Variants in TIAM2 observed in about 807,000 individuals in gnomAD.
The protein encoded by TIAM2 is rho guanine nucleotide exchange factor TIAM2.
TIAM2 carries 80 observed loss-of-function variants against 152.9 expected under a neutral mutation model. The ratio of observed to expected loss-of-function variants is 0.52; its 90% CI spans 0.44 to 0.63. The LOEUF is 0.63. Among genes scored for constraint, TIAM2 ranks in the 30% least tolerant of loss-of-function variants. TIAM2 has a pLI of 0.00. For missense variants in TIAM2, 1,965 were observed against 2,120.1 expected, an observed-to-expected ratio of 0.93 and a Z score of 1.44; for synonymous variants, 804 against 838.0, an observed-to-expected ratio of 0.96 and a Z score of 0.70.
chr6:155,178,853 G>C (rs1313520340), intron 10 of TIAM2, among the ~76,000 whole-genome samples, 186 bp from the exon 11 acceptor site: 1 of 152,166 alleles, frequency 6.6e-6, no homozygotes, highest in Non-Finnish European at 1.5e-5. Flanking sequence ...GGGATTACAG[G>C]TGTGAGCCGC....
intron 2 of TIAM2, among the ~76,000 whole-genome samples, chr6:155,104,756 C>A (rs867699973): frequency 3.3e-3 from 443 of 134,018 alleles, no homozygotes; most frequent in African/African-American, 3.4e-3. Flanking sequence ...GACTCTGTCT[C>A]AAAAAAAAAA....
chr6:155,245,851 C>G (rs1261270695), intron 19 of TIAM2, 120 bp downstream of exon 19: 7 of 583,926 alleles, frequency 1.2e-5, no homozygotes, highest in African/African-American at 2.0e-5. Flanking sequence ...TAAGGTCCAT[C>G]CTTGACCTTG....
At chr6:155,053,297 G>T (rs1423465586) in intron 1 of TIAM2, among the ~76,000 whole-genome samples, 2 of 152,076 alleles carry the variant, frequency 1.3e-5, no homozygotes, top group Non-Finnish European at 2.9e-5. Flanking sequence ...CTGGATAAGG[G>T]GGTACGTGGG....
At chr6:155,152,081 G>A (rs1052558951) in intron 7 of TIAM2, among the ~76,000 whole-genome samples, 1 of 152,026 alleles carries the variant, frequency 6.6e-6, no homozygotes, top group African/African-American at 2.4e-5. Flanking sequence ...GACCTTAGGT[G>A]ATCCGCTTGC....
At position 155,029,105 on chromosome 6, in the gene TIAM2, G is replaced by A. The variant is rs1363251492; in HGVS notation, c.-209+33613G>A. Among the ~76,000 whole-genome samples the A allele has an allele frequency of 6.3e-5, 7 of 111,256 alleles. 1 individual carries two copies. The highest frequency in any genetic ancestry group is 2.6e-4 in the African/African-American group (7 of 27,334). 73.0% of individuals were successfully genotyped at this position (111,256 alleles called of 152,430 possible). Reference sequence around the variant, plus strand: ...GTTATATATACACTGTATATACTATGTGTTATATATACACTGTATGTACTA... The same window carrying A: ...GTTATATATACACTGTATATACTATATGTTATATATACACTGTATGTACTA... On this transcript the variant is annotated intron_variant, in intron 1 of 26. Coordinates refer to ENST00000682666, the MANE Select transcript of TIAM2 (RefSeq NM_012454.4).
chr6:155,008,922 A>T (rs189791710), intron 1 of TIAM2, among the ~76,000 whole-genome samples: 1 of 152,046 alleles, frequency 6.6e-6, no homozygotes, highest in African/African-American at 2.4e-5. Flanking sequence ...CTTAGCATGT[A>T]CTGCCTTGGA....
intron 1 of TIAM2, among the ~76,000 whole-genome samples, chr6:155,026,660 C>T: frequency 6.6e-6 from 1 of 152,214 alleles, no homozygotes; most frequent in East Asian, 1.9e-4. Flanking sequence ...GCCCCTTGGC[C>T]CTGGTGCCAG....
intron 13 of TIAM2, 44 bp downstream of exon 13, chr6:155,182,362 CTG>C (rs1475091130): frequency 4.0e-6 from 6 of 1,482,344 alleles, no homozygotes; most frequent in Non-Finnish European, 4.7e-6. Flanking sequence ...TAATTTGAAA[CTG>C]TGGGATACAG....
intron 2 of TIAM2, among the ~76,000 whole-genome samples, chr6:155,094,456 G>C (rs1778367813): frequency 6.6e-6 from 1 of 151,844 alleles, no homozygotes; most frequent in South Asian, 2.1e-4. Context: ...TTGGATGTAT[G>C]CCGAAGTATA....
At chr6:155,138,875 A>G (rs140937981) in intron 5 of TIAM2, among the ~76,000 whole-genome samples, 102 of 152,292 alleles carry the variant, frequency 6.7e-4, no homozygotes, top group African/African-American at 2.2e-3. Flanking sequence ...CATAAAGGCA[A>G]TAGAAGTGAG....
chr6:155,192,236 C>G (rs1781223826), intron 14 of TIAM2, among the ~76,000 whole-genome samples: 1 of 152,108 alleles, frequency 6.6e-6, no homozygotes, highest in South Asian at 2.1e-4. Flanking sequence ...CCTTAATCTT[C>G]TGATTTTCAG....
At chr6:155,030,568 G>T (rs1227643034) in intron 1 of TIAM2, among the ~76,000 whole-genome samples, 2 of 152,140 alleles carry the variant, frequency 1.3e-5, no homozygotes, top group Admixed American at 1.3e-4. Flanking sequence ...TGCTCAAGGG[G>T]TGTCTGCTCA....
intron 14 of TIAM2, among the ~76,000 whole-genome samples, chr6:155,207,676 T>C (rs897684422): frequency 6.6e-6 from 1 of 152,160 alleles, no homozygotes; most frequent in African/African-American, 2.4e-5. Context: ...TAAGGGGCTC[T>C]AGGGGGCCTA....
At chr6:155,062,073 C>T (rs1777591652) in intron 1 of TIAM2, among the ~76,000 whole-genome samples, 1 of 150,926 alleles carries the variant, frequency 6.6e-6, no homozygotes, top group Admixed American at 6.6e-5. Flanking sequence ...CTCGCCACCG[C>T]CCCTGCATCT....
rs995881064 is a variant in TIAM2, at chr6:155,213,734, G to C, written c.3168+2427G>C. ...TGTGCCAAAGGGTGCCTGCAGGCCA[G>C]GGCCGAGCTGCCCTCAGTCCCCTCC... On this transcript the variant is annotated intron_variant, in intron 15 of 26. Transcript: ENST00000682666. This position sits in a 1 kb window ranked among gnomAD's most constrained non-coding sequence, Gnocchi z 4.2. Among the ~76,000 whole-genome samples, 4 of 152,228 alleles carry C rather than the reference G, an allele frequency of 2.6e-5. No homozygotes were observed. Among genetic ancestry groups the C allele is most frequent in the African/African-American group, 7.2e-5 (3 of 41,466 alleles).
Position 155,252,015 on chromosome 6 carries a change from A to G in TIAM2, c.4119+12A>G, listed in dbSNP as rs1251252152. 1.3e-6 allele frequency: 2 copies of G among 1,590,428 alleles called. No individual in the cohort carries two copies. The highest frequency in any genetic ancestry group is 3.5e-5 in the Admixed American group (2 of 56,988). On this transcript the variant is annotated intron_variant, in intron 23 of 26. Transcript: ENST00000682666. ...TGAAAAAGAAATTGGTAAGGCAAAA[A>G]TTCATTTTAATTTAAGCTACCTTTT...
chr6:155,131,034 C>T (rs1779433960), intron 4 of TIAM2, among the ~76,000 whole-genome samples: 1 of 152,218 alleles, frequency 6.6e-6, no homozygotes, highest in Non-Finnish European at 1.5e-5. Context: ...CATGTCCCTG[C>T]ACTCTTCCAT....
intron 15 of TIAM2, among the ~76,000 whole-genome samples, chr6:155,238,038 T>G (rs574988119): frequency 6.6e-6 from 1 of 152,264 alleles, no homozygotes; most frequent in African/African-American, 2.4e-5. Context: ...CAAAGTTTTA[T>G]GCTCTGCCTC....
intron 1 of TIAM2, among the ~76,000 whole-genome samples, chr6:155,025,194 A>ATTTT (rs781027891): frequency 5.8e-5 from 7 of 121,234 alleles, no homozygotes; most frequent in South Asian, 2.8e-4. Flanking sequence ...TAATTTTTGT[A>ATTTT]TTTTTTTTTT....
Sources: allele counts gnomAD v4.1 joint callset (sites outside exome capture counted in the v4.1 genomes callset), GRCh38; gene constraint gnomAD v4.1.1; non-coding constraint Gnocchi (gnomAD v3.1); transcripts MANE v1.5; gene names NCBI Gene and HGNC (gene_info 2026-07-23, HGNC 2026-07-21).